Variants in IPO11 observed in about 807,000 individuals in gnomAD.
The protein encoded by IPO11 is importin 11.
A neutral mutation model predicts 143.2 loss-of-function variants in IPO11; 66 were observed. That is an observed-to-expected ratio of 0.46 (90% confidence interval 0.38 to 0.57). The LOEUF is 0.57. Ranked by LOEUF, IPO11 falls within the 20% of genes least tolerant of loss-of-function variation. The pLI is 0.00. For missense variants in IPO11, 1,026 were observed against 1,141.0 expected, an observed-to-expected ratio of 0.90 and a Z score of 1.45; for synonymous variants, 385 against 377.8, an observed-to-expected ratio of 1.02 and a Z score of -0.22.
chr5:62,475,939 T>C (rs924699590), intron 8 of IPO11, among the ~76,000 whole-genome samples: 1 of 152,236 alleles, frequency 6.6e-6, no homozygotes, highest in Non-Finnish European at 1.5e-5. Flanking sequence ...GGGGATTTGC[T>C]CTCCTGAGAA....
chr5:62,534,075 T>C (rs1742652234), intron 22 of IPO11, among the ~76,000 whole-genome samples: 1 of 152,236 alleles, frequency 6.6e-6, no homozygotes, highest in African/African-American at 2.4e-5. Context: ...TAATTAAGTA[T>C]GAATATATTC....
intron 4 of IPO11, among the ~76,000 whole-genome samples, chr5:62,451,205 GTT>G (rs1744913918): frequency 6.6e-6 from 1 of 152,062 alleles, no homozygotes. Context: ...ACAGGATCTC[GTT>G]ATACTGCTAA....
At chr5:62,592,461 T>G (rs1267704470) in intron 28 of IPO11, among the ~76,000 whole-genome samples, 2 of 152,188 alleles carry the variant, frequency 1.3e-5, no homozygotes, top group African/African-American at 4.8e-5. Context: ...AACTGGAGTT[T>G]GTATGAAGTG....
intron 24 of IPO11, among the ~76,000 whole-genome samples, chr5:62,545,935 AAGTC>A (rs1431247522): frequency 1.3e-5 from 2 of 152,212 alleles, no homozygotes; most frequent in African/African-American, 2.4e-5. Flanking sequence ...AACCATTAAA[AAGTC>A]AGGAAACAAC....
In IPO11 at chr5:62,536,781, G is replaced by A; in HGVS notation, c.2169G>A (p.Gln723=). The A allele has an allele frequency of 6.5e-7, 1 of 1,550,146 alleles. No homozygotes were observed. The highest frequency in any genetic ancestry group is 2.5e-5 in the East Asian group (1 of 40,232). Residue 723 remains glutamine (Q), a splice_region_variant and synonymous_variant, in exon 23 of 30, where the codon CAG becomes CAA. Coordinates refer to ENST00000325324, the MANE Select transcript of IPO11 (RefSeq NM_016338.5). ...TTTTATCATCAACAGAATTTTTACAGGTATGTTGGAGTACTTTTGCATTAT... is the reference window on the plus strand; with the variant it reads ...TTTTATCATCAACAGAATTTTTACAAGTATGTTGGAGTACTTTTGCATTAT... ...YIFLSSTEFL[Q]TYAVGLCQSF... is the part of the protein sequence containing the mutation.
intron 9 of IPO11, among the ~76,000 whole-genome samples, chr5:62,481,516 A>C (rs1022552055): frequency 6.6e-6 from 1 of 151,868 alleles, no homozygotes; most frequent in African/African-American, 2.4e-5. Context: ...TATTGAGATA[A>C]TCATGTGGTT....
At chr5:62,506,083 G>C (rs1055732054) in intron 18 of IPO11, among the ~76,000 whole-genome samples, 158 bp from the exon 19 acceptor site, 7 of 152,108 alleles carry the variant, frequency 4.6e-5, no homozygotes, top group Non-Finnish European at 8.8e-5. Context: ...CCGGCAGCTT[G>C]AACGATTTCA....
intron 19 of IPO11, among the ~76,000 whole-genome samples, chr5:62,507,481 A>G (rs551246180): frequency 2.0e-5 from 3 of 152,256 alleles, no homozygotes; most frequent in South Asian, 2.1e-4. Context: ...TGCCTCTGCT[A>G]TTTAGTTTGG....
intron 16 of IPO11, among the ~76,000 whole-genome samples, chr5:62,497,361 TTTTA>T (rs1190527113): frequency 7.2e-5 from 11 of 152,210 alleles, no homozygotes; most frequent in African/African-American, 2.2e-4. Context: ...ATTTCAAATA[TTTTA>T]TTTAAGAAAT....
At chr5:62,508,696 C>G (rs1214554667) in intron 19 of IPO11, among the ~76,000 whole-genome samples, 2 of 150,078 alleles carry the variant, frequency 1.3e-5, no homozygotes, top group African/African-American at 4.9e-5. Context: ...TTTTGCTGCA[C>G]CCATCATGTT....
At chr5:62,544,847 G>T (rs1048167263) in intron 24 of IPO11, among the ~76,000 whole-genome samples, 1 of 152,046 alleles carries the variant, frequency 6.6e-6, no homozygotes, top group East Asian at 1.9e-4. Context: ...CCCATTCACA[G>T]TTGCTTCAAA....
chr5:62,471,417 A>C (rs2112200920), intron 7 of IPO11, among the ~76,000 whole-genome samples: 1 of 152,230 alleles, frequency 6.6e-6, no homozygotes, highest in Admixed American at 6.5e-5. Flanking sequence ...ACATCATCAT[A>C]ATGTGATGGT....
chr5:62,612,070 A>C (rs577478713), intron 29 of IPO11, among the ~76,000 whole-genome samples: 3 of 152,280 alleles, frequency 2.0e-5, no homozygotes, highest in African/African-American at 7.2e-5. Context: ...ACATTATGCG[A>C]TAAGTCCTTC....
chr5:62,486,558 C>T (rs1033355890), intron 12 of IPO11, among the ~76,000 whole-genome samples: 1 of 151,966 alleles, frequency 6.6e-6, no homozygotes, highest in Admixed American at 6.6e-5. Context: ...AATGTTTTGC[C>T]GTTACCAGAT....
At chr5:62,610,765 T>C (rs1745896998) in intron 29 of IPO11, among the ~76,000 whole-genome samples, 1 of 152,176 alleles carries the variant, frequency 6.6e-6, no homozygotes, top group South Asian at 2.1e-4. Context: ...AATGAATCTT[T>C]TTTTTTCTTC....
At chr5:62,626,796 A>G (rs190356605) in intron 29 of IPO11, among the ~76,000 whole-genome samples, 322 of 152,104 alleles carry the variant, frequency 2.1e-3, no homozygotes, top group African/African-American at 7.2e-3. Context: ...ACCCTACCCT[A>G]TCTTCCTAAG....
chr5:62,491,174 A>G (rs942824131), intron 15 of IPO11, among the ~76,000 whole-genome samples: 13 of 152,200 alleles, frequency 8.5e-5, no homozygotes, highest in African/African-American at 2.9e-4. Flanking sequence ...ATATTTGTTG[A>G]CTAAACTAAT....
chr5:62,517,958 T>C (rs1445409124), intron 20 of IPO11, among the ~76,000 whole-genome samples: 1 of 152,110 alleles, frequency 6.6e-6, no homozygotes, highest in Non-Finnish European at 1.5e-5. Context: ...ATACCAAAAT[T>C]GAGACTGTAG....
At chr5:62,548,066 T>C (rs898712508) in intron 24 of IPO11, among the ~76,000 whole-genome samples, 1 of 144,198 alleles carries the variant, frequency 6.9e-6, no homozygotes, top group Non-Finnish European at 1.5e-5. Flanking sequence ...TTGTAGGCAG[T>C]ATGTATTGAT....
Sources: allele counts gnomAD v4.1 joint callset (sites outside exome capture counted in the v4.1 genomes callset), GRCh38; gene constraint gnomAD v4.1.1; transcripts MANE v1.5; gene names NCBI Gene and HGNC (gene_info 2026-07-23, HGNC 2026-07-21).